The following ZSCAN26 variants were observed in gnomAD, a reference collection of about 807,000 sequenced individuals.
ZSCAN26 encodes zinc finger and SCAN domain containing 26.
Under a neutral mutation model 23.0 loss-of-function variants are expected in ZSCAN26, and 26 were observed. That is an observed-to-expected ratio of 1.13 (90% CI 0.83 to 1.57). The LOEUF (loss-of-function observed/expected upper bound fraction) is 1.57, where lower values mean the gene tolerates loss of function less well. Among genes scored for constraint, ZSCAN26 ranks in the 40% most tolerant of loss-of-function variants. ZSCAN26 has a pLI of 0.00. For missense variants in ZSCAN26, 528 were observed against 568.5 expected (o/e 0.93, Z 0.72); for synonymous variants, 180 against 202.5 (o/e 0.89, Z 0.94).
At chr6:28,273,553 AAC>A (rs1761804467) in intron 3 of ZSCAN26, among the ~76,000 whole-genome samples, 1 of 143,698 alleles carries the variant, frequency 7.0e-6, no homozygotes, top group African/African-American at 2.7e-5. Flanking sequence ...AAAACAAACA[AAC>A]AAAAAAAAAA....
At chr6:28,272,852 G>A in intron 3 of ZSCAN26, 65 bp downstream of exon 3, 2 of 1,359,640 alleles carry the variant, frequency 1.5e-6, no homozygotes, top group Non-Finnish European at 1.0e-6. Flanking sequence ...CTCTGAGGTT[G>A]TGCTTAGCAC....
chr6:28,276,448 G>A lies in ZSCAN26; in HGVS notation c.792G>A (p.Val264=). 1 of 1,614,030 alleles carries A rather than the reference G, an allele frequency of 6.2e-7. No individual in the cohort carries two copies. Among genetic ancestry groups the A allele is most frequent in the South Asian group, 1.1e-5 (1 of 91,086 alleles). Residue 264 remains valine, a synonymous_variant, in exon 4 of 4, where the codon GTG becomes GTA. Coordinates refer to ENST00000421553, the MANE Select transcript of ZSCAN26 (RefSeq NM_001023560.4). ...GAAAGAAACTCTGCGAGTCTGATGT[G>A]TGTCAGAGTTCCAGTCTTACAGGAC... The part of the protein sequence containing the change: ...HTGKKLCESD[V]CQSSSLTGHK...
chr6:28,270,653 T>C (rs1761643406), intron 1 of ZSCAN26, among the ~76,000 whole-genome samples: 2 of 152,266 alleles, frequency 1.3e-5, no homozygotes, highest in Admixed American at 1.3e-4. Flanking sequence ...AAAATACTTA[T>C]ACTCTACATT....
intron 1 of ZSCAN26, among the ~76,000 whole-genome samples, chr6:28,269,354 T>G (rs549517445): frequency 4.1e-4 from 62 of 152,240 alleles, no homozygotes; most frequent in Non-Finnish European, 7.9e-4. Flanking sequence ...TATATACATA[T>G]GCCTGTATTT....
chr6:28,276,093 T>G, intron 3 of ZSCAN26, 102 bp from the exon 4 acceptor site: 1 of 1,063,940 alleles, frequency 9.4e-7, no homozygotes, highest in Non-Finnish European at 1.3e-6. Flanking sequence ...GTTTTTACTT[T>G]GCACACATGG....
chr6:28,269,737 T>C (rs1195063427), intron 1 of ZSCAN26, among the ~76,000 whole-genome samples: 2 of 152,168 alleles, frequency 1.3e-5, no homozygotes, highest in Non-Finnish European at 2.9e-5. Context: ...AGTCAGACTT[T>C]TAACTGCTTG....
At position 28,277,036 on chromosome 6, in the gene ZSCAN26, C is replaced by T; in HGVS notation, c.1380C>T (p.Phe460=). 1 of 1,613,992 alleles carries T rather than the reference C, an allele frequency of 6.2e-7. No individual in the cohort carries two copies. Among genetic ancestry groups the T allele is most frequent in the Non-Finnish European group, 8.5e-7 (1 of 1,179,868 alleles). Residue 460 remains phenylalanine (F), a synonymous_variant, in exon 4 of 4, where the codon TTC becomes TTT. Transcript: ENST00000421553. ...PYQCSECGEA[F]RQRSGLFQHQ... is the part of the protein sequence containing the mutation. ...AGTGTAGTGAATGTGGAGAAGCCTTCAGGCAAAGGTCAGGTCTTTTTCAAC... is the reference window on the plus strand; with the variant it reads ...AGTGTAGTGAATGTGGAGAAGCCTTTAGGCAAAGGTCAGGTCTTTTTCAAC...
At chr6:28,272,815 G>C (rs750094095) in intron 3 of ZSCAN26, 28 bp downstream of exon 3, 6 of 1,563,160 alleles carry the variant, frequency 3.8e-6, no homozygotes, top group South Asian at 1.1e-5. Flanking sequence ...TCTTCTGTGT[G>C]TGAGACGTGG....
Position 28,272,105 on chromosome 6 carries a change from C to G in ZSCAN26, c.186C>G (p.Thr62=), listed in dbSNP as rs1320012994. The G allele has an allele frequency of 8.8e-6, 14 of 1,592,854 alleles. No homozygotes were observed. Among genetic ancestry groups the G allele is most frequent in the African/African-American group, 1.3e-5 (1 of 74,354 alleles). ...TCAGGCAGTTGCGTTATGAAGAGAC[C>G]ACAGGACCTCGAGAAGCACTAAGTC... The part of the protein sequence containing the change: ...KQFRQLRYEE[T]TGPREALSRL... Residue 62 remains threonine (T), a synonymous_variant, in exon 2 of 4, where the codon ACC becomes ACG. Coordinates refer to ENST00000421553, the MANE Select transcript of ZSCAN26 (RefSeq NM_001023560.4).
intron 3 of ZSCAN26, 53 bp from the exon 4 acceptor site, chr6:28,276,142 T>C: frequency 2.0e-6 from 3 of 1,499,560 alleles, no homozygotes; most frequent in Non-Finnish European, 2.7e-6. Flanking sequence ...TGCAGATTCC[T>C]TTCCCCAAGC....
In ZSCAN26 at chr6:28,277,106, C is replaced by A; in HGVS notation, c.*10C>A. The A allele has an allele frequency of 6.2e-7, 1 of 1,607,262 alleles. No homozygotes were observed. Among genetic ancestry groups the A allele is most frequent in the South Asian group, 1.1e-5 (1 of 90,302 alleles). On this transcript the variant is annotated 3_prime_UTR_variant, in exon 4 of 4. Coordinates refer to ENST00000421553, the MANE Select transcript of ZSCAN26 (RefSeq NM_001023560.4). ...AGACAAACTGGCTTGATGAGGTGTT[C>A]TCTCCTTGTAGAACATCAGAGAAGG...
chr6:28,272,153 G>A lies in ZSCAN26; in HGVS notation c.234G>A (p.Gln78=). 1.2e-6 allele frequency: 2 copies of A among 1,612,726 alleles called. No individual in the cohort carries two copies. The highest frequency in any genetic ancestry group is 1.7e-4 in the Middle Eastern group (1 of 6,060). The part of the protein sequence containing the change: ...ALSRLRELCQ[Q]WLQPETHTKE... ...GTCGGCTCCGGGAGCTCTGTCAACA[G>A]TGGCTACAGCCCGAGACCCATACCA... The change falls in exon 2 of 4, where the codon CAG becomes CAA. Residue 78 remains glutamine (Q), a synonymous_variant. Transcript: ENST00000421553.
At chr6:28,275,397 C>T (rs1761890651) in intron 3 of ZSCAN26, among the ~76,000 whole-genome samples, 1 of 152,230 alleles carries the variant, frequency 6.6e-6, no homozygotes, top group Non-Finnish European at 1.5e-5. Flanking sequence ...CATTTAATTT[C>T]ACCCTTAGGA....
chr6:28,276,559 T>C lies in ZSCAN26; in HGVS notation c.903T>C (p.His301=). 2 of 1,613,506 alleles carry C rather than the reference T, an allele frequency of 1.2e-6. No homozygotes were observed. The highest frequency in any genetic ancestry group is 1.7e-6 in the Non-Finnish European group (2 of 1,179,696). ...AFQRSSHLVR[H]QKIHLGEKPY... is the part of the protein sequence containing the mutation. ...AGAGGAGTTCACACCTCGTCAGACA[T>C]CAGAAAATCCATCTTGGTGAGAAGC... Residue 301 remains histidine, a synonymous_variant, in exon 4 of 4, where the codon CAT becomes CAC. Transcript: ENST00000421553.
chr6:28,277,342 A>G lies in ZSCAN26; in HGVS notation c.*246A>G. 1 of 509,534 alleles carries G rather than the reference A, an allele frequency of 2.0e-6. No homozygotes were observed. The allele number at this position is 509,534 out of a possible 1,614,324, so 31.6% of individuals were successfully genotyped here. A position where few individuals can be genotyped will look rare whatever the true frequency, so the allele number is the denominator to read the frequency against. On this transcript the variant is annotated 3_prime_UTR_variant, in exon 4 of 4. Transcript: ENST00000421553. Reference sequence around the variant, plus strand: ...TCTTCACTGCAGGACATCTCAGAGCATGTAACATAACTGCATGATTATATA... The same window carrying G: ...TCTTCACTGCAGGACATCTCAGAGCGTGTAACATAACTGCATGATTATATA...
intron 1 of ZSCAN26, among the ~76,000 whole-genome samples, chr6:28,270,177 A>C (rs2113713469): frequency 6.6e-6 from 1 of 152,258 alleles, no homozygotes; most frequent in Middle Eastern, 3.4e-3. Flanking sequence ...TTTTTTACTT[A>C]TATTAAGAAT....
Position 28,276,846 on chromosome 6 carries a change from G to A in ZSCAN26, c.1190G>A (p.Cys397Tyr). The change falls in exon 4 of 4, where the codon TGT becomes TAT. Residue 397 changes from cysteine to tyrosine, a missense_variant. Coordinates refer to ENST00000421553, the MANE Select transcript of ZSCAN26 (RefSeq NM_001023560.4). ...CATAGTCACTCCAAAAGCCATCAAT[G>A]TAACGAGTGTGGAAAAGCTTTCAGT... The part of the protein sequence containing the change: ...RIHSHSKSHQ[C>Y]NECGKAFSLT... The A allele has an allele frequency of 6.2e-7, 1 of 1,613,962 alleles. No individual in the cohort carries two copies. Among genetic ancestry groups the A allele is most frequent in the Non-Finnish European group, 8.5e-7 (1 of 1,179,872 alleles).
chr6:28,271,838 G>T lies in ZSCAN26; in HGVS notation c.-66-16G>T, dbSNP rs1004270021. 5.6e-6 allele frequency: 7 copies of T among 1,243,196 alleles called. No individual in the cohort carries two copies. In the Admixed American group the frequency reaches 1.4e-4, roughly 25 times the overall value. The allele number at this position is 1,243,196 out of a possible 1,614,324, so 77.0% of individuals were successfully genotyped here. A position where few individuals can be genotyped will look rare whatever the true frequency, so the allele number is the denominator to read the frequency against. On this transcript the variant is annotated splice_polypyrimidine_tract_variant and intron_variant, in intron 1 of 3. Coordinates refer to ENST00000421553, the MANE Select transcript of ZSCAN26 (RefSeq NM_001023560.4). ...TACTATTACTGTTTCTGTCACTCTTGTTACTATAATTTTAGGAGTGTCTCT... is the reference window on the plus strand; with the variant it reads ...TACTATTACTGTTTCTGTCACTCTTTTTACTATAATTTTAGGAGTGTCTCT...
In ZSCAN26 at chr6:28,276,606, G is replaced by A. The variant is rs1761950053; in HGVS notation, c.950G>A (p.Gly317Asp). ...AAGCCTTATCAGTGCAATGAGTGTG[G>A]CAAAGTCTTTAGCCAGAATGCAGGC... is the stretch of plus-strand genomic sequence containing the variant. ...GEKPYQCNEC[G>D]KVFSQNAGLL... The change falls in exon 4 of 4, where the codon GGC (glycine) becomes GAC (aspartate). Residue 317 changes from glycine (G) to aspartate (D), a missense_variant. Coordinates refer to ENST00000421553, the MANE Select transcript of ZSCAN26 (RefSeq NM_001023560.4). 1 of 1,612,434 alleles carries A rather than the reference G, an allele frequency of 6.2e-7. No individual in the cohort carries two copies. The highest frequency in any genetic ancestry group is 8.5e-7 in the Non-Finnish European group (1 of 1,179,180).
Sources: gnomAD v4.1 joint callset for allele counts (sites outside exome capture counted in the v4.1 genomes callset) on GRCh38, gnomAD v4.1.1 for gene constraint, MANE v1.5 for transcripts, NCBI Gene and HGNC (gene_info 2026-07-23, HGNC 2026-07-21) for gene names.